The following USP35 variants were observed in gnomAD, a reference collection of about 807,000 sequenced individuals.
USP35 encodes the protein ubiquitin carboxyl-terminal hydrolase 35.
USP35 carries 69 observed loss-of-function variants against 83.8 expected under a neutral mutation model. The ratio of observed to expected loss-of-function variants is 0.82; its 90% CI spans 0.68 to 1.01. USP35 has a LOEUF of 1.01. Among genes scored for constraint, USP35 ranks in the 50% least tolerant of loss-of-function variants. USP35 has a pLI of 0.00. For synonymous variants in USP35, 714 were observed against 589.5 expected, an observed-to-expected ratio of 1.21 and a Z score of -3.06; for missense variants, 1,503 against 1,362.5, an observed-to-expected ratio of 1.10 and a Z score of -1.62.
chr11:78,222,184 G>C, the USP35 span: 1 of 1,613,148 alleles, frequency 6.2e-7, no homozygotes, highest in Non-Finnish European at 8.5e-7. Context: ...AGGTCAAGTG[G>C]TGTTGGCTTT....
At chr11:78,205,263 A>G (rs1863495720) in intron 6 of USP35, among the ~76,000 whole-genome samples, 1 of 152,238 alleles carries the variant, frequency 6.6e-6, no homozygotes, top group South Asian at 2.1e-4. Context: ...CTCTTCTTGA[A>G]AGCTGATTCT....
the USP35 span, among the ~76,000 whole-genome samples, chr11:78,232,411 T>G: frequency 0.19 from 29,593 of 152,132 alleles, 3,109 homozygotes; most frequent in East Asian, 0.4. Context: ...GGCTAGAATC[T>G]GGAATGAGGC....
chr11:78,219,062 C>G, downstream of USP35: 1 of 547,150 alleles, frequency 1.8e-6, no homozygotes, highest in Non-Finnish European at 3.2e-6. Context: ...AAAATCACAG[C>G]TGGGCCCCGA....
rs1330846906 is a variant in USP35 at position 78,207,542 on chromosome 11, T to C, written c.1404T>C (p.Cys468=). 6.2e-7 allele frequency: 1 copy of C among 1,614,004 alleles called. No homozygotes were observed. Among genetic ancestry groups the C allele is most frequent in the African/African-American group, 1.3e-5 (1 of 74,928 alleles). Residue 468 remains cysteine, a synonymous_variant, in exon 8 of 11, where the codon TGT becomes TGC. Transcript: ENST00000529308. The stretch of plus-strand genomic sequence containing the variant: ...CTTTGTTTTGAAGCTTCAGACATTG[T>C]GTGCTCCGCTTGACTGAGAACAACT... ...ALFMASDFRH[C]VLRLTENNSQ...
rs1863212680 is a variant in USP35, at chr11:78,198,131, C to T, written c.806+63C>T. 3 of 1,604,486 alleles carry T rather than the reference C, an allele frequency of 1.9e-6. No individual in the cohort carries two copies. In the African/African-American group the frequency reaches 4.0e-5, roughly 21 times the overall value. On this transcript the variant is annotated intron_variant, in intron 3 of 10. Transcript: ENST00000529308. ...CCCCTCCCTCTCTTCCTCTCAGAAGCCCCTTCTCCTGGGTGGGCCGCTGGG... is the reference window on the plus strand; with the variant it reads ...CCCCTCCCTCTCTTCCTCTCAGAAGTCCCTTCTCCTGGGTGGGCCGCTGGG...
At chr11:78,201,175 A>T (rs1863347023) in intron 6 of USP35, among the ~76,000 whole-genome samples, 1 of 152,124 alleles carries the variant, frequency 6.6e-6, no homozygotes, top group Non-Finnish European at 1.5e-5. Context: ...GCCTTTCCTG[A>T]TCACTCTCAG....
At chr11:78,233,220 A>T in the USP35 span, among the ~76,000 whole-genome samples, 32 of 152,008 alleles carry the variant, frequency 2.1e-4, no homozygotes, top group Admixed American at 2.0e-3. Flanking sequence ...TTTTTGGTAG[A>T]GATGGGGTGT....
chr11:78,219,567 C>T (rs994385647), downstream of USP35: 1 of 695,110 alleles, frequency 1.4e-6, no homozygotes, highest in African/African-American at 1.8e-5. Context: ...CCTGGCTTCT[C>T]TTTCTGAATG....
chr11:78,195,684 C>T (rs1421737761), intron 1 of USP35, among the ~76,000 whole-genome samples: 1 of 152,182 alleles, frequency 6.6e-6, no homozygotes, highest in Non-Finnish European at 1.5e-5. Context: ...GGAGGAGGCT[C>T]ACGTAGCCTT....
rs1237429071 is a variant in USP35 at position 78,196,428 on chromosome 11, C to T, written c.183C>T (p.Gly61=). 1.6e-6 allele frequency: 2 copies of T among 1,285,680 alleles called. No individual in the cohort carries two copies. The highest frequency in any genetic ancestry group is 2.0e-6 in the Non-Finnish European group (2 of 1,018,450). 79.6% of individuals were successfully genotyped at this position (1,285,680 alleles called of 1,614,324 possible). ...GGAEELPRRV[G]CQLLHVAGRH... The stretch of plus-strand genomic sequence containing the variant: ...CGGAGGAGCTGCCGCGCCGCGTGGG[C>T]TGCCAGCTGCTGCACGTGGCCGGCC... The change falls in exon 2 of 11, where the codon GGC becomes GGT. Residue 61 remains glycine (G), a synonymous_variant. Coordinates refer to ENST00000529308, the MANE Select transcript of USP35 (RefSeq NM_020798.4). The surrounding 1 kb of genome is among the most constrained non-coding windows in gnomAD (Gnocchi z 4.8).
rs139748612 is a variant in USP35, at chr11:78,214,377, T to TCGG, written c.*564_*565insCGG. 1.7e-4 allele frequency: 9 copies of TCGG among 52,906 alleles called. No homozygotes were observed. The highest frequency in any genetic ancestry group is 5.6e-4 in the African/African-American group (9 of 16,098). The allele number at this position is 52,906 out of a possible 1,614,324, so 3.3% of individuals were successfully genotyped here. A position where few individuals can be genotyped will look rare whatever the true frequency, so the allele number is the denominator to read the frequency against. ...CCTTACCAAGCGCCACTGCATGGTT[T>TCGG]TGGGGGGGGGGGCGGGGGGCTAGCT... On this transcript the variant is annotated 3_prime_UTR_variant, in exon 11 of 11. Transcript: ENST00000529308.
Position 78,210,496 on chromosome 11 carries a change from G to A in USP35, c.2641G>A (p.Ala881Thr), listed in dbSNP as rs2134416492. 1 of 1,614,128 alleles carries A rather than the reference G, an allele frequency of 6.2e-7. No homozygotes were observed. Among genetic ancestry groups the A allele is most frequent in the Non-Finnish European group, 8.5e-7 (1 of 1,179,938 alleles). The change falls in exon 10 of 11, where the codon GCC becomes ACC. Residue 881 changes from alanine (A) to threonine (T), a missense_variant. Physicochemically the swap from Ala to Thr is moderately conservative, Grantham distance 58. Transcript: ENST00000529308. ...AARPAASLGTADRPEPENQWY... is the reference protein window; with the variant it reads ...AARPAASLGTTDRPEPENQWY... ...CCGCCCTGCCGCTTCTCTGGGAACT[G>A]CCGATAGGCCAGAGCCCGAGAACCA...
chr11:78,199,798 G>A (rs1465978214), intron 4 of USP35, 74 bp downstream of exon 4: 1 of 1,606,418 alleles, frequency 6.2e-7, no homozygotes. Flanking sequence ...GCAGGTCTGG[G>A]AGGTCAGAGC....
chr11:78,195,735 C>T (rs566073755), intron 1 of USP35, among the ~76,000 whole-genome samples: 2 of 152,282 alleles, frequency 1.3e-5, no homozygotes, highest in South Asian at 4.1e-4. Context: ...CTACAAGTCC[C>T]TGGGGTTAAT....
At chr11:78,233,474 T>G in the USP35 span, among the ~76,000 whole-genome samples, 2 of 152,256 alleles carry the variant, frequency 1.3e-5, no homozygotes, top group Non-Finnish European at 2.9e-5. Flanking sequence ...TTGAAGAATC[T>G]ATTCACATTT....
rs1290961506 is a variant in USP35, at chr11:78,214,988, C to T, written c.*1175C>T. Among the ~76,000 whole-genome samples the T allele has an allele frequency of 6.6e-6, 1 of 152,096 alleles. No individual in the cohort carries two copies. Among genetic ancestry groups the T allele is most frequent in the Non-Finnish European group, 1.5e-5 (1 of 68,020 alleles). ...TACCTCCTTCCCCAGGGGCTGCCTG[C>T]TGTGATGGTGGTGTGGAGTTTGGGC... On this transcript the variant is annotated 3_prime_UTR_variant, in exon 11 of 11. Transcript: ENST00000529308.
intron 10 of USP35, among the ~76,000 whole-genome samples, chr11:78,212,061 T>G (rs891613327): frequency 4.6e-5 from 7 of 152,248 alleles, no homozygotes; most frequent in Non-Finnish European, 8.8e-5. Flanking sequence ...TTCTAGGGGT[T>G]TAATACCTTT....
chr11:78,235,540 G>A, the USP35 span, among the ~76,000 whole-genome samples: 1 of 152,064 alleles, frequency 6.6e-6, no homozygotes, highest in Non-Finnish European at 1.5e-5. Flanking sequence ...TGCCTTTAAC[G>A]ATACCCAAGT....
chr11:78,207,465 AT>A, intron 7 of USP35, 64 bp from the exon 8 acceptor site: 1 of 1,533,302 alleles, frequency 6.5e-7, no homozygotes, highest in Non-Finnish European at 9.0e-7. Context: ...TGCCTGTGAC[AT>A]GGGTGACTAG....
Sources: gnomAD v4.1 joint callset for allele counts (sites outside exome capture counted in the v4.1 genomes callset) on GRCh38, gnomAD v4.1.1 for gene constraint, Gnocchi (gnomAD v3.1) non-coding constraint, MANE v1.5 for transcripts, NCBI Gene and HGNC (gene_info 2026-07-23, HGNC 2026-07-21) for gene names.